CPAMD8: variants seen among roughly 807,000 people sequenced by gnomAD.
The protein encoded by CPAMD8 is C3 and PZP like alpha-2-macroglobulin domain containing 8.
In CPAMD8, 146 loss-of-function variants were observed where a neutral mutation model predicts 224.7. The ratio of observed to expected loss-of-function variants is 0.65; its 90% CI spans 0.57 to 0.75. The LOEUF (loss-of-function observed/expected upper bound fraction) is 0.75, where lower values mean the gene tolerates loss of function less well. Among genes scored for constraint, CPAMD8 ranks in the 30% least tolerant of loss-of-function variants. The probability of loss-of-function intolerance (pLI) is 0.00; values close to 1 mark genes in which losing one functional copy is unlikely to be tolerated. For synonymous variants in CPAMD8, 966 were observed against 1,044.6 expected, an observed-to-expected ratio of 0.92 and a Z score of 1.45; for missense variants, 2,301 against 2,537.5, an observed-to-expected ratio of 0.91 and a Z score of 2.00.
chr19:16,906,328 C>G (rs1437553814), intron 30 of CPAMD8, among the ~76,000 whole-genome samples: 1 of 139,392 alleles, frequency 7.2e-6, no homozygotes, highest in East Asian at 2.4e-4. Context: ...CTCCTTCCTT[C>G]CTTCTTTCCC....
At chr19:16,931,595 C>T (rs377119577) in intron 23 of CPAMD8, among the ~76,000 whole-genome samples, 37 of 152,360 alleles carry the variant, frequency 2.4e-4, no homozygotes, top group African/African-American at 7.7e-4. Flanking sequence ...GCTGCCACTA[C>T]TGGCATTCAA....
chr19:16,978,379 G>C (rs1024011956), intron 14 of CPAMD8, among the ~76,000 whole-genome samples: 1 of 152,124 alleles, frequency 6.6e-6, no homozygotes, highest in African/African-American at 2.4e-5. Flanking sequence ...GGGGTTAAAT[G>C]GGGACAGATT....
chr19:17,006,816 G>C (rs1172739827), intron 7 of CPAMD8, among the ~76,000 whole-genome samples: 1 of 152,176 alleles, frequency 6.6e-6, no homozygotes, highest in African/African-American at 2.4e-5. Flanking sequence ...GGCTGGGATA[G>C]AGCCCCATTT....
intron 22 of CPAMD8, among the ~76,000 whole-genome samples, chr19:16,939,383 A>G (rs2053809426): frequency 6.6e-6 from 1 of 151,686 alleles, no homozygotes; most frequent in African/African-American, 2.4e-5. Flanking sequence ...AATTTTTTAT[A>G]TTTTTAGTGG....
chr19:16,906,498 G>A (rs986760225), intron 30 of CPAMD8, among the ~76,000 whole-genome samples: 2 of 150,174 alleles, frequency 1.3e-5, no homozygotes, highest in Non-Finnish European at 3.0e-5. Context: ...CTGCCTCCTG[G>A]GTTCAAGTGA....
At chr19:16,941,211 G>A (rs1351061502) in intron 22 of CPAMD8, among the ~76,000 whole-genome samples, 1 of 152,202 alleles carries the variant, frequency 6.6e-6, no homozygotes, top group African/African-American at 2.4e-5. Context: ...GGGATTACAG[G>A]CATGAGCCAC....
rs1412045751 is a variant in CPAMD8 at position 16,898,408 on chromosome 19, T to C, written c.4849-414A>G. On this transcript the variant is annotated intron_variant, in intron 37 of 41. Coordinates refer to ENST00000443236, the MANE Select transcript of CPAMD8 (RefSeq NM_015692.5). This position sits in a 1 kb window ranked among gnomAD's most constrained non-coding sequence, Gnocchi z 4.2. The stretch of plus-strand genomic sequence containing the variant: ...TGATCCGCCTCGGTCCCATTTTTTA[T>C]TCTTTGGGTCCTTCCATCCCACTGG... 6.6e-6 allele frequency among the ~76,000 whole-genome samples: 1 copy of C among 152,050 alleles called. No homozygotes were observed. The highest frequency in any genetic ancestry group is 1.5e-5 in the Non-Finnish European group (1 of 67,994).
At position 16,899,505 on chromosome 19, in the gene CPAMD8, A is replaced by G. The variant is rs1334661269; in HGVS notation, c.4818T>C (p.Ala1606=). Residue 1606 remains alanine, a synonymous_variant, in exon 37 of 42, where the codon GCT becomes GCC. Coordinates refer to ENST00000443236, the MANE Select transcript of CPAMD8 (RefSeq NM_015692.5). The surrounding 1 kb of genome is among the most constrained non-coding windows in gnomAD (Gnocchi z 5.4). ...CAAAGTAGAAGAGCACTCGGCGTCC[A>G]GCCACTTCATACCTCTTCATCCCCA... The part of the protein sequence containing the change: ...KHMGMKRYEV[A]GRRVLFYFDE... 1.3e-6 allele frequency: 2 copies of G among 1,581,802 alleles called. No individual in the cohort carries two copies. Among genetic ancestry groups the G allele is most frequent in the Admixed American group, 3.3e-5 (2 of 59,982 alleles).
chr19:16,906,830 C>T, intron 30 of CPAMD8, 122 bp downstream of exon 30: 2 of 1,003,736 alleles, frequency 2.0e-6, no homozygotes, highest in East Asian at 2.7e-5. Flanking sequence ...CTGCCTCAGC[C>T]TCCTGAGTAG....
intron 23 of CPAMD8, among the ~76,000 whole-genome samples, chr19:16,937,650 C>CT (rs550702792): frequency 0.14 from 15,871 of 116,714 alleles, 1,543 homozygotes; most frequent in African/African-American, 0.2. Context: ...TAACTTCATA[C>CT]TTTTTTTTTT....
chr19:16,944,992 A>G lies in CPAMD8; in HGVS notation c.2793+557T>C, dbSNP rs944628316. 3.9e-5 allele frequency among the ~76,000 whole-genome samples: 6 copies of G among 152,196 alleles called. No homozygotes were observed. In the South Asian group the frequency reaches 8.3e-4, roughly 21 times the overall value. On this transcript the variant is annotated intron_variant, in intron 22 of 41. Coordinates refer to ENST00000443236, the MANE Select transcript of CPAMD8 (RefSeq NM_015692.5). Reference sequence around the variant, plus strand: ...GCTGCTGCATGCTCAGCCCTGAGACATCTGTGTGTCATCTCTGGCTTCCCA... The same window carrying G: ...GCTGCTGCATGCTCAGCCCTGAGACGTCTGTGTGTCATCTCTGGCTTCCCA...
intron 25 of CPAMD8, among the ~76,000 whole-genome samples, chr19:16,926,776 C>T (rs551968265): frequency 2.8e-4 from 43 of 152,324 alleles, no homozygotes; most frequent in African/African-American, 7.7e-4. Flanking sequence ...AGATCCCAGA[C>T]GTCGCCTCCT....
chr19:16,933,483 C>T (rs1028757094), intron 23 of CPAMD8, among the ~76,000 whole-genome samples: 28 of 151,550 alleles, frequency 1.8e-4, no homozygotes, highest in African/African-American at 6.5e-4. Flanking sequence ...TCTCAAAATG[C>T]AATAAAAAAA....
At chr19:16,947,761 C>T (rs138236798) in intron 20 of CPAMD8, among the ~76,000 whole-genome samples, 1 of 152,214 alleles carries the variant, frequency 6.6e-6, no homozygotes, top group Non-Finnish European at 1.5e-5. Flanking sequence ...GCACAGACTG[C>T]ATACACATGT....
intron 20 of CPAMD8, among the ~76,000 whole-genome samples, chr19:16,951,137 G>A (rs888901102): frequency 5.9e-5 from 9 of 151,964 alleles, no homozygotes; most frequent in African/African-American, 1.9e-4. Flanking sequence ...ACCCTTTAAC[G>A]CCCAGCGAGG....
intron 12 of CPAMD8, 54 bp from the exon 13 acceptor site, chr19:16,989,825 G>A (rs540720573): frequency 1.3e-6 from 2 of 1,569,256 alleles, no homozygotes; most frequent in Admixed American, 1.7e-5. Flanking sequence ...CAGAAAGGGG[G>A]TCTTGGGGAT....
At chr19:17,003,720 G>A (rs2056401508) in intron 8 of CPAMD8, among the ~76,000 whole-genome samples, 1 of 149,810 alleles carries the variant, frequency 6.7e-6, no homozygotes, top group African/African-American at 2.5e-5. Flanking sequence ...CAAGGCTTCA[G>A]TGAGCCAAGA....
intron 22 of CPAMD8, among the ~76,000 whole-genome samples, chr19:16,940,103 G>A (rs28489391): frequency 0.069 from 10,406 of 151,790 alleles, 622 homozygotes; most frequent in South Asian, 0.16. Context: ...GTAGAGACAG[G>A]GTTTCACTAT....
chr19:16,933,738 G>A (rs181827918), intron 23 of CPAMD8, among the ~76,000 whole-genome samples: 4 of 152,252 alleles, frequency 2.6e-5, no homozygotes, highest in African/African-American at 7.2e-5. Flanking sequence ...TACTGCAGGT[G>A]GGAATACAAA....
Sources: allele counts gnomAD v4.1 joint callset (sites outside exome capture counted in the v4.1 genomes callset), GRCh38; gene constraint gnomAD v4.1.1; non-coding constraint Gnocchi (gnomAD v3.1); transcripts MANE v1.5; gene names NCBI Gene and HGNC (gene_info 2026-07-23, HGNC 2026-07-21).